Variants in ADAMTS19 observed in about 807,000 individuals in gnomAD.
ADAMTS19 encodes the protein ADAM metallopeptidase with thrombospondin type 1 motif 19, also known as A disintegrin and metalloproteinase with thrombospondin motifs 19.
A neutral mutation model predicts 153.3 loss-of-function variants in ADAMTS19; 93 were observed. The observed-to-expected ratio is 0.61, with a 90% CI of 0.51 to 0.72. The LOEUF (loss-of-function observed/expected upper bound fraction) is 0.72, where lower values mean the gene tolerates loss of function less well. Among genes scored for constraint, ADAMTS19 ranks in the 30% least tolerant of loss-of-function variants. The probability of loss-of-function intolerance (pLI) is 0.00; values close to 1 mark genes in which losing one functional copy is unlikely to be tolerated. For synonymous variants in ADAMTS19, 600 were observed against 556.6 expected (o/e 1.08, Z -1.10); for missense variants, 1,482 against 1,552.1 (o/e 0.95, Z 0.76).
chr5:129,660,307 GA>G (rs1753766795), intron 15 of ADAMTS19, among the ~76,000 whole-genome samples: 1 of 152,044 alleles, frequency 6.6e-6, no homozygotes, highest in African/African-American at 2.4e-5. Flanking sequence ...ATACTTAGCT[GA>G]AACAGGCTCT....
chr5:129,533,376 C>T (rs1417822059), intron 6 of ADAMTS19, among the ~76,000 whole-genome samples: 1 of 152,030 alleles, frequency 6.6e-6, no homozygotes, highest in African/African-American at 2.4e-5. Context: ...TAAGTTTTAC[C>T]ATAATAAAGT....
chr5:129,517,856 G>A (rs115427528), intron 3 of ADAMTS19, among the ~76,000 whole-genome samples: 4,493 of 151,786 alleles, frequency 0.03, 101 homozygotes, highest in Middle Eastern at 0.068. Context: ...TTTTGTTGTC[G>A]TATCTTCCTT....
In ADAMTS19 at chr5:129,631,160, GTTTTTTTTTTT is replaced by G. The variant is rs35770896; in HGVS notation, c.1770+8823_1770+8833del. On this transcript the variant is annotated intron_variant, in intron 10 of 22. Coordinates refer to ENST00000274487, the MANE Select transcript of ADAMTS19 (RefSeq NM_133638.6). The stretch of plus-strand genomic sequence containing the variant: ...TATAATCACTTTGGGAAAATTTTAG[GTTTTTTTTTTT>G]TTTTTTTTTTATCACTTAAGCATTC... Among the ~76,000 whole-genome samples the G allele has an allele frequency of 5.0e-3, 638 of 127,676 alleles. 5 individuals carry two copies. Among genetic ancestry groups the G allele is most frequent in the Non-Finnish European group, 6.7e-3 (403 of 60,096 alleles). 83.8% of individuals were successfully genotyped at this position (127,676 alleles called of 152,430 possible).
chr5:129,485,552 A>G (rs1305455840), intron 2 of ADAMTS19, among the ~76,000 whole-genome samples: 1 of 152,136 alleles, frequency 6.6e-6, no homozygotes, highest in African/African-American at 2.4e-5. Context: ...AATAAAACTG[A>G]TAAATTTCCA....
chr5:129,646,486 A>C (rs1184272006), intron 11 of ADAMTS19, among the ~76,000 whole-genome samples: 1 of 152,170 alleles, frequency 6.6e-6, no homozygotes, highest in Admixed American at 6.5e-5. Flanking sequence ...TTATCAAGTA[A>C]ATTCTAAAAA....
Position 129,470,870 on chromosome 5 carries a change from G to GTT in ADAMTS19, c.747+9121_747+9122dup, listed in dbSNP as rs11405875. On this transcript the variant is annotated intron_variant, in intron 2 of 22. Transcript: ENST00000274487. Reference sequence around the variant, plus strand: ...TTTAAAATAAATGAAATCTAAATATGTTTTTTTTTCCTTGAGCACATTCAA... The same window carrying GTT: ...TTTAAAATAAATGAAATCTAAATATGTTTTTTTTTTTCCTTGAGCACATTCAA... 8.0e-4 allele frequency among the ~76,000 whole-genome samples: 121 copies of GTT among 151,250 alleles called. 1 individual carries two copies. The East Asian group carries it at 0.016, about 20-fold the overall frequency.
At chr5:129,579,550 T>C (rs908802438) in intron 7 of ADAMTS19, among the ~76,000 whole-genome samples, 1 of 152,192 alleles carries the variant, frequency 6.6e-6, no homozygotes, top group Non-Finnish European at 1.5e-5. Context: ...TAGGTTTTCT[T>C]CTAGGATTTT....
intron 10 of ADAMTS19, among the ~76,000 whole-genome samples, chr5:129,630,066 T>A (rs918481216): frequency 6.6e-6 from 1 of 152,132 alleles, no homozygotes; most frequent in Non-Finnish European, 1.5e-5. Context: ...AATCATATGA[T>A]TACTTTAAAT....
At chr5:129,604,954 G>A (rs1469286984) in intron 8 of ADAMTS19, among the ~76,000 whole-genome samples, 1 of 152,206 alleles carries the variant, frequency 6.6e-6, no homozygotes, top group East Asian at 1.9e-4. Flanking sequence ...AAAAGCCAAA[G>A]AATTATCTTT....
chr5:129,677,727 G>A (rs1332880567), intron 16 of ADAMTS19, among the ~76,000 whole-genome samples: 4 of 152,046 alleles, frequency 2.6e-5, no homozygotes, highest in Non-Finnish European at 4.4e-5. Flanking sequence ...TACCATGTTA[G>A]TGTTATATCT....
At chr5:129,576,370 T>C (rs1307008511) in intron 7 of ADAMTS19, among the ~76,000 whole-genome samples, 1 of 152,128 alleles carries the variant, frequency 6.6e-6, no homozygotes, top group Non-Finnish European at 1.5e-5. Context: ...ACACACACTT[T>C]TAAAAATATA....
intron 21 of ADAMTS19, among the ~76,000 whole-genome samples, chr5:129,715,343 T>C (rs980224677): frequency 6.6e-6 from 1 of 152,186 alleles, no homozygotes; most frequent in Non-Finnish European, 1.5e-5. Flanking sequence ...GAAAATACTA[T>C]AGAGTTTTAG....
intron 15 of ADAMTS19, among the ~76,000 whole-genome samples, chr5:129,664,546 G>T (rs1004618057): frequency 6.6e-6 from 1 of 152,078 alleles, no homozygotes; most frequent in East Asian, 1.9e-4. Flanking sequence ...TACCACCAGG[G>T]GGGGTATATG....
At position 129,505,090 on chromosome 5, in the gene ADAMTS19, C is replaced by T. The variant is rs146494296; in HGVS notation, c.748-3987C>T. On this transcript the variant is annotated intron_variant, in intron 2 of 22. Transcript: ENST00000274487. Reference sequence around the variant, plus strand: ...GTTTTTTAAAAATAGGATTTTATCACGACTGTTACAATATTAAGTACCTAA... The same window carrying T: ...GTTTTTTAAAAATAGGATTTTATCATGACTGTTACAATATTAAGTACCTAA... 2.1e-4 allele frequency among the ~76,000 whole-genome samples: 32 copies of T among 152,156 alleles called. No individual in the cohort carries two copies. In the East Asian group the frequency reaches 2.1e-3, roughly 10 times the overall value.
At chr5:129,731,081 C>G (rs1031702430) in intron 21 of ADAMTS19, among the ~76,000 whole-genome samples, 6 of 152,018 alleles carry the variant, frequency 3.9e-5, no homozygotes, top group African/African-American at 1.4e-4. Context: ...GTCTCATCCT[C>G]CCCAATAGCT....
At chr5:129,471,225 G>A (rs1750054231) in intron 2 of ADAMTS19, among the ~76,000 whole-genome samples, 1 of 151,948 alleles carries the variant, frequency 6.6e-6, no homozygotes, top group Non-Finnish European at 1.5e-5. Context: ...AATAAGCCTG[G>A]GGTGGTGGCA....
chr5:129,644,842 A>G (rs1340324270), intron 11 of ADAMTS19, among the ~76,000 whole-genome samples: 1 of 152,218 alleles, frequency 6.6e-6, no homozygotes, highest in Non-Finnish European at 1.5e-5. Flanking sequence ...AATATATTTT[A>G]GTTATTTATT....
In ADAMTS19 at chr5:129,622,348, G is replaced by A; in HGVS notation, c.1770G>A (p.Gln590=). 1 of 1,613,812 alleles carries A rather than the reference G, an allele frequency of 6.2e-7. No homozygotes were observed. Among genetic ancestry groups the A allele is most frequent in the East Asian group, 2.2e-5 (1 of 44,850 alleles). Residue 590 remains glutamine, a splice_region_variant and synonymous_variant, in exon 10 of 23, where the codon CAG becomes CAA. Coordinates refer to ENST00000274487, the MANE Select transcript of ADAMTS19 (RefSeq NM_133638.6). The part of the protein sequence containing the change: ...GPLASFCQEM[Q]HVICTGLWCK... ...TGGCTTCTTTTTGTCAGGAGATGCA[G>A]GTAAAGATCCAGGTGGGGATTTTGT...
chr5:129,485,473 G>A (rs1049226778), intron 2 of ADAMTS19, among the ~76,000 whole-genome samples: 2 of 150,460 alleles, frequency 1.3e-5, no homozygotes, highest in Non-Finnish European at 3.0e-5. Context: ...ATATAGATAA[G>A]AGCAGAAATC....
Sources: allele counts gnomAD v4.1 joint callset (sites outside exome capture counted in the v4.1 genomes callset), GRCh38; gene constraint gnomAD v4.1.1; transcripts MANE v1.5; gene names NCBI Gene and HGNC (gene_info 2026-07-23, HGNC 2026-07-21).